Variants in CELF2 observed in about 807,000 individuals in gnomAD.
CELF2 encodes CUGBP Elav-like family member 2.
CELF2 carries 8 observed loss-of-function variants against 62.6 expected under a neutral mutation model. That is an observed-to-expected ratio of 0.13 (90% CI 0.07 to 0.23). The LOEUF (loss-of-function observed/expected upper bound fraction) is 0.23, where lower values mean the gene tolerates loss of function less well. Ranked by LOEUF, CELF2 falls within the 10% of genes least tolerant of loss-of-function variation. The pLI is 1.00. For synonymous variants in CELF2, 258 were observed against 250.0 expected (o/e 1.03, Z -0.30); for missense variants, 333 against 671.0 (o/e 0.50, Z 5.56).
chr10:11,251,296 T>TTC (rs2077068577), intron 4 of CELF2, among the ~76,000 whole-genome samples: 2 of 143,930 alleles, frequency 1.4e-5, no homozygotes, highest in Non-Finnish European at 3.0e-5. Context: ...TTTTTTTTTT[T>TTC]TGCATTTTCT....
intron 3 of CELF2, among the ~76,000 whole-genome samples, chr10:11,232,690 G>A (rs562213302): frequency 1.1e-4 from 17 of 152,280 alleles, no homozygotes; most frequent in African/African-American, 2.9e-4. Flanking sequence ...GACACACCAC[G>A]CTATATTTTT....
chr10:11,065,995 C>G (rs1454381940), intron 1 of CELF2, among the ~76,000 whole-genome samples: 1 of 152,064 alleles, frequency 6.6e-6, no homozygotes, highest in African/African-American at 2.4e-5. Context: ...CTGGAAGTGC[C>G]CCATACAGCA....
At chr10:11,055,647 A>G (rs1234482840) in intron 1 of CELF2, among the ~76,000 whole-genome samples, 2 of 152,252 alleles carry the variant, frequency 1.3e-5, no homozygotes, top group Non-Finnish European at 2.9e-5. Context: ...AAGTGGAAAG[A>G]CATTCTTTGC....
intron 1 of CELF2, among the ~76,000 whole-genome samples, chr10:11,123,692 C>T (rs2058174993): frequency 6.6e-6 from 1 of 152,148 alleles, no homozygotes; most frequent in Admixed American, 6.5e-5. Flanking sequence ...AGCCTGCTAC[C>T]CCCATCCTGC....
the CELF2 span, among the ~76,000 whole-genome samples, chr10:10,571,808 G>A: frequency 6.6e-6 from 1 of 152,160 alleles, no homozygotes; most frequent in Non-Finnish European, 1.5e-5. Context: ...AAATTTAGAA[G>A]TGAAGTATAG....
the CELF2 span, among the ~76,000 whole-genome samples, chr10:10,597,971 G>A: frequency 4.6e-5 from 7 of 151,974 alleles, no homozygotes; most frequent in African/African-American, 7.3e-5. Context: ...TTAATGAATC[G>A]AGTCTAAGGA....
chr10:10,906,239 A>G (rs2063330749), intron 1 of CELF2, among the ~76,000 whole-genome samples: 1 of 152,226 alleles, frequency 6.6e-6, no homozygotes, highest in South Asian at 2.1e-4. Flanking sequence ...CCAGAGTTGT[A>G]CTACCTAATT....
the CELF2 span, among the ~76,000 whole-genome samples, chr10:10,609,123 T>C: frequency 6.6e-6 from 1 of 152,228 alleles, no homozygotes. Flanking sequence ...GCAGTCTTAG[T>C]GTTCGTCTAG....
intron 2 of CELF2, among the ~76,000 whole-genome samples, chr10:11,188,350 C>A (rs549966392): frequency 3.9e-5 from 6 of 152,302 alleles, no homozygotes; most frequent in Admixed American, 2.0e-4. Flanking sequence ...GGTGATCTGC[C>A]CACCTCGGCC....
At chr10:10,702,704 C>A in the CELF2 span, among the ~76,000 whole-genome samples, 1 of 152,258 alleles carries the variant, frequency 6.6e-6, no homozygotes, top group South Asian at 2.1e-4. Context: ...CCTGCCTCAG[C>A]CTCCTGAGTA....
chr10:10,735,539 C>G, the CELF2 span, among the ~76,000 whole-genome samples: 1 of 151,966 alleles, frequency 6.6e-6, no homozygotes, highest in South Asian at 2.1e-4. Flanking sequence ...AACAGGACGT[C>G]GAGAAACAAA....
chr10:11,281,171 T>A (rs2088544747), intron 8 of CELF2, among the ~76,000 whole-genome samples: 1 of 152,140 alleles, frequency 6.6e-6, no homozygotes, highest in Non-Finnish European at 1.5e-5. Context: ...TCTTTCAGAT[T>A]GTCAAAAGAG....
chr10:11,032,969 T>C (rs2060360889), intron 1 of CELF2, among the ~76,000 whole-genome samples: 1 of 152,258 alleles, frequency 6.6e-6, no homozygotes, highest in Non-Finnish European at 1.5e-5. Context: ...TATTTTGTAC[T>C]GTAATACAAA....
chr10:11,119,864 TCC>T (rs57433204), intron 1 of CELF2, among the ~76,000 whole-genome samples: 33 of 112,164 alleles, frequency 2.9e-4, no homozygotes, highest in Admixed American at 1.9e-3. Flanking sequence ...TGATTCCGCC[TCC>T]CCCCCCCCGG....
At chr10:10,919,876 C>T in intron 1 of CELF2, 1 of 873,054 alleles carries the variant, frequency 1.1e-6, no homozygotes, top group Non-Finnish European at 1.5e-6. Flanking sequence ...TACCTGATAC[C>T]ATAATACTTA....
At chr10:10,883,548 T>C (rs1441121641) in intron 1 of CELF2, among the ~76,000 whole-genome samples, 1 of 152,178 alleles carries the variant, frequency 6.6e-6, no homozygotes. Context: ...CCACCCGGAA[T>C]GGCATTTTTA....
intron 1 of CELF2, among the ~76,000 whole-genome samples, chr10:11,066,162 C>T (rs2068100475): frequency 6.6e-6 from 1 of 152,096 alleles, no homozygotes; most frequent in African/African-American, 2.4e-5. Flanking sequence ...GGGAGTAAAG[C>T]TTTAAAGGGA....
the CELF2 span, among the ~76,000 whole-genome samples, chr10:10,722,970 T>C: frequency 6.6e-6 from 1 of 152,206 alleles, no homozygotes; most frequent in Admixed American, 6.5e-5. Flanking sequence ...ATTTTGGATG[T>C]TGATATTCAT....
intron 1 of CELF2, among the ~76,000 whole-genome samples, chr10:11,121,419 T>G (rs2057714054): frequency 6.6e-6 from 1 of 152,192 alleles, no homozygotes; most frequent in South Asian, 2.1e-4. Flanking sequence ...CCCTTTGTTT[T>G]TGCCTTCATT....
Sources: allele counts gnomAD v4.1 joint callset (sites outside exome capture counted in the v4.1 genomes callset), GRCh38; gene constraint gnomAD v4.1.1; transcripts MANE v1.5; gene names NCBI Gene and HGNC (gene_info 2026-07-23, HGNC 2026-07-21).